The following PCNX2 variants were observed in gnomAD, a reference collection of about 807,000 sequenced individuals.
PCNX2 encodes pecanex-like protein 2.
In PCNX2, 168 loss-of-function variants were observed where a neutral mutation model predicts 223.8. The ratio of observed to expected loss-of-function variants is 0.75; its 90% CI spans 0.66 to 0.85. The LOEUF (loss-of-function observed/expected upper bound fraction) is 0.85, where lower values mean the gene tolerates loss of function less well. Ranked by LOEUF, PCNX2 falls within the 40% of genes least tolerant of loss-of-function variation. The pLI is 0.00. For synonymous variants in PCNX2, 1,006 were observed against 1,052.6 expected, an observed-to-expected ratio of 0.96 and a Z score of 0.86; for missense variants, 2,507 against 2,675.5, an observed-to-expected ratio of 0.94 and a Z score of 1.39.
intron 22 of PCNX2, among the ~76,000 whole-genome samples, chr1:233,092,152 G>A (rs566777981): frequency 6.6e-6 from 1 of 152,310 alleles, no homozygotes; most frequent in Admixed American, 6.5e-5. Context: ...CAGGTCAGAG[G>A]TGGAGTTTTC....
At chr1:232,999,513 G>A in intron 30 of PCNX2, 134 bp from the exon 31 acceptor site, 1 of 1,054,084 alleles carries the variant, frequency 9.5e-7, no homozygotes. Flanking sequence ...GAGTGCAATG[G>A]TGCAATCTCA....
intron 8 of PCNX2, chr1:233,241,181 T>G (rs1182379587): frequency 1.0e-6 from 1 of 985,370 alleles, no homozygotes; most frequent in Non-Finnish European, 1.2e-6. Context: ...TCCTTTTATG[T>G]GACAGTAAAA....
At chr1:233,029,871 C>A (rs1477197372) in intron 25 of PCNX2, among the ~76,000 whole-genome samples, 1 of 151,988 alleles carries the variant, frequency 6.6e-6, no homozygotes, top group East Asian at 1.9e-4. Context: ...TATAATTTTT[C>A]TTTACCTTTA....
At chr1:233,124,671 A>G (rs1676001098) in intron 21 of PCNX2, among the ~76,000 whole-genome samples, 2 of 152,212 alleles carry the variant, frequency 1.3e-5, no homozygotes, top group African/African-American at 4.8e-5. Flanking sequence ...ATGCCTAAGG[A>G]CTCAATTCTT....
chr1:233,083,588 A>C (rs1673462971), intron 23 of PCNX2, among the ~76,000 whole-genome samples: 3 of 152,234 alleles, frequency 2.0e-5, no homozygotes, highest in Admixed American at 2.0e-4. Context: ...AAGGCGCTGG[A>C]AAACAACACA....
intron 19 of PCNX2, among the ~76,000 whole-genome samples, chr1:233,150,649 T>TA (rs752188706): frequency 1.4e-4 from 22 of 152,324 alleles, no homozygotes; most frequent in Admixed American, 3.3e-4. Context: ...TCCTTCATTT[T>TA]AAAAAACATT....
chr1:233,019,628 C>T (rs1008920800), intron 26 of PCNX2, among the ~76,000 whole-genome samples: 1 of 152,032 alleles, frequency 6.6e-6, no homozygotes, highest in Non-Finnish European at 1.5e-5. Context: ...ACCTACCCAG[C>T]AAGCAGGATG....
intron 17 of PCNX2, among the ~76,000 whole-genome samples, chr1:233,164,628 CATATATAGAAA>C (rs60441789): frequency 0.6 from 90,101 of 149,830 alleles, 27,287 homozygotes; most frequent in South Asian, 0.68. Context: ...AAATATATAT[CATATATAGAAA>C]ATATATAGAA....
At chr1:233,032,538 T>TA (rs1208787284) in intron 25 of PCNX2, among the ~76,000 whole-genome samples, 1 of 152,134 alleles carries the variant, frequency 6.6e-6, no homozygotes, top group Non-Finnish European at 1.5e-5. Flanking sequence ...CTTATTCTTC[T>TA]ATCCAGTTCT....
At chr1:233,052,945 C>T (rs1227333709) in intron 25 of PCNX2, among the ~76,000 whole-genome samples, 1 of 151,834 alleles carries the variant, frequency 6.6e-6, no homozygotes, top group African/African-American at 2.4e-5. Flanking sequence ...CTTCTGATTC[C>T]ACCTCCCAGT....
At position 232,990,463 on chromosome 1, in the gene PCNX2, A is replaced by G. The variant is rs1366534289; in HGVS notation, c.5792-3923T>C. On this transcript the variant is annotated intron_variant, in intron 32 of 33. Coordinates refer to ENST00000258229, the MANE Select transcript of PCNX2 (RefSeq NM_014801.4). The surrounding 1 kb of genome is among the most constrained non-coding windows in gnomAD (Gnocchi z 4.3). ...GATGGTACATTTCAGGAGAGCCAAC[A>G]AGATCGGCAGCTCTTGGCTCCACTG... Among the ~76,000 whole-genome samples the G allele has an allele frequency of 1.3e-5, 2 of 152,198 alleles. No individual in the cohort carries two copies. Among genetic ancestry groups the G allele is most frequent in the Non-Finnish European group, 2.9e-5 (2 of 68,030 alleles).
chr1:233,157,792 G>A (rs1053856166), intron 19 of PCNX2, among the ~76,000 whole-genome samples: 1 of 152,130 alleles, frequency 6.6e-6, no homozygotes, highest in South Asian at 2.1e-4. Flanking sequence ...GTGTCTGTGG[G>A]TTTTCCTTCT....
At chr1:232,994,187 C>A (rs1244590979) in intron 32 of PCNX2, among the ~76,000 whole-genome samples, 5 of 152,228 alleles carry the variant, frequency 3.3e-5, no homozygotes, top group Non-Finnish European at 5.9e-5. Context: ...GGAAAAGCTG[C>A]AAACACTCAA....
chr1:233,262,152 T>A lies in PCNX2; in HGVS notation c.373A>T (p.Ile125Phe). 1 of 1,613,788 alleles carries A rather than the reference T, an allele frequency of 6.2e-7. No individual in the cohort carries two copies. The highest frequency in any genetic ancestry group is 8.5e-7 in the Non-Finnish European group (1 of 1,179,742). The change falls in exon 3 of 34, where the codon ATT (isoleucine) becomes TTT (phenylalanine). Residue 125 changes from isoleucine (I) to phenylalanine (F), a missense_variant. Coordinates refer to ENST00000258229, the MANE Select transcript of PCNX2 (RefSeq NM_014801.4). ...GCCTCTTCCTTTTTGCCATTGTGAA[T>A]CTGCCTATTATTGCTAACCCAACAT... ...NHRNPSNNRQ[I>F]HNGKKEEASR...
At chr1:233,059,385 C>T (rs1195525756) in intron 23 of PCNX2, among the ~76,000 whole-genome samples, 2 of 152,084 alleles carry the variant, frequency 1.3e-5, no homozygotes, top group African/African-American at 2.4e-5. Flanking sequence ...CTTATTATTG[C>T]CTCAAAACTA....
rs1662045366 is a variant in PCNX2 at position 233,295,602 on chromosome 1, T to C, written c.-124A>G. The C allele has an allele frequency of 9.3e-7, 1 of 1,072,866 alleles. No individual in the cohort carries two copies. The highest frequency in any genetic ancestry group is 1.2e-6 in the Non-Finnish European group (1 of 832,774). 66.5% of individuals were successfully genotyped at this position (1,072,866 alleles called of 1,614,324 possible). ...CGCGCCCCCGCCGTCGCCGCCGCCGTCGCCCCCGCCGCCTCCTTCCACCCC... is the reference window on the plus strand; with the variant it reads ...CGCGCCCCCGCCGTCGCCGCCGCCGCCGCCCCCGCCGCCTCCTTCCACCCC... On this transcript the variant is annotated 5_prime_UTR_variant, in exon 1 of 34. Coordinates refer to ENST00000258229, the MANE Select transcript of PCNX2 (RefSeq NM_014801.4). The surrounding 1 kb of genome is among the most constrained non-coding windows in gnomAD (Gnocchi z 4.1).
intron 21 of PCNX2, among the ~76,000 whole-genome samples, chr1:233,103,559 T>G (rs1365239406): frequency 6.6e-6 from 1 of 152,154 alleles, no homozygotes; most frequent in Non-Finnish European, 1.5e-5. Flanking sequence ...GTGCCCAGCT[T>G]TTTTTACTTA....
rs924464887 is a variant in PCNX2, at chr1:233,001,318, A to G, written c.5097+219T>C. Among the ~76,000 whole-genome samples, 2 of 152,160 alleles carry G rather than the reference A, an allele frequency of 1.3e-5. No homozygotes were observed. Among genetic ancestry groups the G allele is most frequent in the African/African-American group, 4.8e-5 (2 of 41,446 alleles). ...AACATGGAGAAACCCCATTTCTACT[A>G]CAAATACAAAATTAGCTGGGCATGG... On this transcript the variant is annotated intron_variant, in intron 29 of 33. Transcript: ENST00000258229. The surrounding 1 kb of genome is among the most constrained non-coding windows in gnomAD (Gnocchi z 4.2).
chr1:233,099,609 C>G (rs1364246756), intron 21 of PCNX2, among the ~76,000 whole-genome samples: 3 of 152,152 alleles, frequency 2.0e-5, no homozygotes, highest in African/African-American at 4.8e-5. Context: ...TTTAAAAAGA[C>G]TCAACTTCAT....
Sources: gnomAD v4.1 joint callset for allele counts (sites outside exome capture counted in the v4.1 genomes callset) on GRCh38, gnomAD v4.1.1 for gene constraint, Gnocchi (gnomAD v3.1) non-coding constraint, MANE v1.5 for transcripts, NCBI Gene and HGNC (gene_info 2026-07-23, HGNC 2026-07-21) for gene names.